Variants in PHAF1 observed in about 807,000 individuals in gnomAD.
PHAF1 encodes phagophore assembly factor 1, also known as phagosome assembly factor 1.
PHAF1 carries 23 observed loss-of-function variants against 63.1 expected under a neutral mutation model. The ratio of observed to expected loss-of-function variants is 0.36; its 90% CI spans 0.26 to 0.52. The LOEUF (loss-of-function observed/expected upper bound fraction) is 0.52. Ranked by LOEUF, PHAF1 falls within the 20% of genes least tolerant of loss-of-function variation. The probability of loss-of-function intolerance (pLI) is 0.93; values close to 1 mark genes in which losing one functional copy is unlikely to be tolerated. For missense variants in PHAF1, 427 were observed against 517.2 expected, an observed-to-expected ratio of 0.83 and a Z score of 1.69; for synonymous variants, 167 against 185.0, an observed-to-expected ratio of 0.90 and a Z score of 0.79.
chr16:67,146,245 C>T (rs776404410), intron 14 of PHAF1, 33 bp from the exon 15 acceptor site: 22 of 1,594,394 alleles, frequency 1.4e-5, no homozygotes, highest in Non-Finnish European at 3.4e-6. Flanking sequence ...TGGCCTCTGT[C>T]TGCCTCTCTA....
chr16:67,144,964 G>T, intron 12 of PHAF1, 87 bp downstream of exon 12: 1 of 1,488,388 alleles, frequency 6.7e-7, no homozygotes, highest in Admixed American at 1.7e-5. Flanking sequence ...AGCAGTGGTT[G>T]GATGTGTGGA....
chr16:67,145,820 G>C (rs2030008798), intron 14 of PHAF1, among the ~76,000 whole-genome samples, 192 bp downstream of exon 14: 2 of 151,808 alleles, frequency 1.3e-5, no homozygotes, highest in Non-Finnish European at 2.9e-5. Flanking sequence ...TTGATAGAGA[G>C]AATGTCCCCA....
intron 1 of PHAF1, among the ~76,000 whole-genome samples, chr16:67,114,761 A>C (rs1452412949): frequency 6.6e-6 from 1 of 152,200 alleles, no homozygotes; most frequent in Non-Finnish European, 1.5e-5. Context: ...TCTGTGGAAA[A>C]AAGGATATGT....
At chr16:67,146,402 G>A in intron 15 of PHAF1, 52 bp downstream of exon 15, 10 of 1,547,488 alleles carry the variant, frequency 6.5e-6, no homozygotes, top group Non-Finnish European at 8.9e-6. Flanking sequence ...GCTGGTCATG[G>A]CAGGGCCAGG....
rs140121304 is a variant in PHAF1, at chr16:67,119,042, T to C, written c.65-1070T>C. On this transcript the variant is annotated intron_variant, in intron 1 of 15. Transcript: ENST00000219139. ...CCTCCTGCCCTGCCCTCCCAAAGTG[T>C]TGGGATTACAGGCATGAGCCACCAC... Among the ~76,000 whole-genome samples the C allele has an allele frequency of 3.5e-3, 533 of 152,178 alleles. 3 individuals are homozygous for C. Among genetic ancestry groups the C allele is most frequent in the African/African-American group, 0.012 (514 of 41,536 alleles).
intron 8 of PHAF1, 130 bp from the exon 9 acceptor site, chr16:67,139,854 G>C: frequency 2.0e-6 from 2 of 995,796 alleles, no homozygotes; most frequent in Admixed American, 2.2e-5. Flanking sequence ...TGATGTTTCT[G>C]ATTGCATGCA....
At chr16:67,140,366 T>C in intron 9 of PHAF1, 145 bp from the exon 10 acceptor site, 1 of 827,566 alleles carries the variant, frequency 1.2e-6, no homozygotes, top group Non-Finnish European at 1.9e-6. Context: ...CCTCCTAGAT[T>C]GGTCAGCACC....
rs2030208559 is a variant in PHAF1 at position 67,147,539 on chromosome 16, A to G, written c.*408A>G. The G allele has an allele frequency of 5.4e-6, 1 of 186,280 alleles. No individual in the cohort carries two copies. The highest frequency in any genetic ancestry group is 1.5e-4 in the South Asian group (1 of 6,628). 11.5% of individuals were successfully genotyped at this position (186,280 alleles called of 1,614,324 possible). On this transcript the variant is annotated 3_prime_UTR_variant, in exon 16 of 16. Coordinates refer to ENST00000219139, the MANE Select transcript of PHAF1 (RefSeq NM_025187.5). The stretch of plus-strand genomic sequence containing the variant: ...CCTGCCTTTGGCTCCACATTGCCAC[A>G]TGACCCTTAAGGCAAGCAGGTAGCG...
intron 8 of PHAF1, among the ~76,000 whole-genome samples, chr16:67,138,049 T>C (rs1440802392): frequency 6.6e-6 from 1 of 152,168 alleles, no homozygotes; most frequent in South Asian, 2.1e-4. Flanking sequence ...AGATACACTT[T>C]GGGGAATCAC....
Position 67,147,079 on chromosome 16 carries a change from T to C in PHAF1, c.1217T>C (p.Leu406Pro). Residue 406 changes from leucine (L) to proline (P), a missense_variant, in exon 16 of 16, where the codon CTG becomes CCG. By Grantham distance (98) the Leu-to-Pro change is moderately conservative. Coordinates refer to ENST00000219139, the MANE Select transcript of PHAF1 (RefSeq NM_025187.5). Reference sequence around the variant, plus strand: ...AACAACCACATTGCCTCGGTGACCCTGTATGGCCCCCCCAGGCCTGGTAGC... The same window carrying C: ...AACAACCACATTGCCTCGGTGACCCCGTATGGCCCCCCCAGGCCTGGTAGC... ...MQNNHIASVTLYGPPRPGSHL... is the reference protein window; with the variant it reads ...MQNNHIASVTPYGPPRPGSHL... 1 of 1,614,070 alleles carries C rather than the reference T, an allele frequency of 6.2e-7. No homozygotes were observed. The highest frequency in any genetic ancestry group is 8.5e-7 in the Non-Finnish European group (1 of 1,179,984).
rs747990967 is a variant in PHAF1 at position 67,132,428 on chromosome 16, A to T, written c.276-18A>T. 6.3e-7 allele frequency: 1 copy of T among 1,582,426 alleles called. No individual in the cohort carries two copies. The highest frequency in any genetic ancestry group is 1.4e-5 in the African/African-American group (1 of 73,956). On this transcript the variant is annotated intron_variant, in intron 4 of 15. Transcript: ENST00000219139. The stretch of plus-strand genomic sequence containing the variant: ...CATCTTGTGAAGCCTAGTATTAAAA[A>T]ATATTTTTGTTTTTCAGTGGCGTGC...
chr16:67,145,496 C>T, intron 13 of PHAF1, 74 bp from the exon 14 acceptor site: 2 of 1,611,908 alleles, frequency 1.2e-6, no homozygotes, highest in South Asian at 1.1e-5. Flanking sequence ...GGGGCTGTGT[C>T]CTCTAGGCCA....
rs1334310674 is a variant in PHAF1 at position 67,146,361 on chromosome 16, G to A, written c.1182+11G>A. 6.2e-7 allele frequency: 1 copy of A among 1,612,268 alleles called. No homozygotes were observed. Among genetic ancestry groups the A allele is most frequent in the East Asian group, 2.2e-5 (1 of 44,890 alleles). On this transcript the variant is annotated intron_variant, in intron 15 of 15. Coordinates refer to ENST00000219139, the MANE Select transcript of PHAF1 (RefSeq NM_025187.5). ...CGAATGATCTTTGAGGTAAGCTGTG[G>A]AAGCCCTAGAAATAAACTGCCTGGG...
rs1962875640 is a variant in PHAF1 at position 67,119,197 on chromosome 16, G to C, written c.65-915G>C. ...AGGACCTATCTCAGGTCATATCTAA[G>C]CCATGGCAGAGTGAGGACCAAAACC... On this transcript the variant is annotated intron_variant, in intron 1 of 15. Transcript: ENST00000219139. Among the ~76,000 whole-genome samples the C allele has an allele frequency of 1.3e-5, 2 of 152,196 alleles. 1 individual carries two copies. The highest frequency in any genetic ancestry group is 4.8e-5 in the African/African-American group (2 of 41,448).
intron 1 of PHAF1, 119 bp downstream of exon 1, chr16:67,110,358 C>G: frequency 8.7e-7 from 1 of 1,146,378 alleles, no homozygotes; most frequent in Non-Finnish European, 1.3e-6. Context: ...CTCTTTCGTC[C>G]TCTCGGCTCG....
chr16:67,146,210 G>A, intron 14 of PHAF1, 68 bp from the exon 15 acceptor site: 1 of 1,421,376 alleles, frequency 7.0e-7, no homozygotes, highest in Admixed American at 1.7e-5. Context: ...CCCCAGAAAA[G>A]ACTGGATCCC....
chr16:67,139,231 C>T (rs534099462), intron 8 of PHAF1, among the ~76,000 whole-genome samples: 1 of 151,414 alleles, frequency 6.6e-6, no homozygotes, highest in Non-Finnish European at 1.5e-5. Flanking sequence ...CAAGAAGTAC[C>T]TCTTAACATA....
At chr16:67,134,100 G>A in intron 6 of PHAF1, 68 bp from the exon 7 acceptor site, 1 of 1,336,814 alleles carries the variant, frequency 7.5e-7, no homozygotes, top group Non-Finnish European at 1.1e-6. Flanking sequence ...ATGAGTGACA[G>A]GGAAGACCAG....
rs765896578 is a variant in PHAF1, at chr16:67,140,533, C to T, written c.818C>T (p.Pro273Leu). The T allele has an allele frequency of 6.3e-6, 10 of 1,597,050 alleles. No individual in the cohort carries two copies. In the East Asian group the frequency reaches 2.2e-4, roughly 36 times the overall value. Residue 273 changes from proline (P) to leucine (L), a missense_variant, in exon 10 of 16, where the codon CCT becomes CTT. Physicochemically the swap from Pro to Leu is moderately conservative, Grantham distance 98. Transcript: ENST00000219139. ...CAGATGAAAATTCATTCTCCTTCCC[C>T]TCATAAACAAGTTCCATCGAAGTGT... ...EDKMKIHSPSPHKQVPSKCND... is the reference protein window; with the variant it reads ...EDKMKIHSPSLHKQVPSKCND...
Sources: allele counts gnomAD v4.1 joint callset (sites outside exome capture counted in the v4.1 genomes callset), GRCh38; gene constraint gnomAD v4.1.1; transcripts MANE v1.5; gene names NCBI Gene and HGNC (gene_info 2026-07-23, HGNC 2026-07-21).